The following RANBP17 variants were observed in gnomAD, a reference collection of about 807,000 sequenced individuals.
The protein encoded by RANBP17 is ran-binding protein 17.
In RANBP17, 158 loss-of-function variants were observed where a neutral mutation model predicts 141.2. The ratio of observed to expected loss-of-function variants is 1.12; its 90% CI spans 0.98 to 1.28. The LOEUF (loss-of-function observed/expected upper bound fraction) is 1.28. RANBP17 is among the 50% of genes most tolerant of loss of function. The pLI is 0.00. For missense variants in RANBP17, 1,438 were observed against 1,290.7 expected (o/e 1.11, Z -1.75); for synonymous variants, 430 against 450.0 (o/e 0.96, Z 0.56).
chr5:170,868,780 G>C (rs1326557987), intron 1 of RANBP17, among the ~76,000 whole-genome samples: 2 of 152,132 alleles, frequency 1.3e-5, no homozygotes, highest in Non-Finnish European at 2.9e-5. Context: ...AGATATCAAT[G>C]CATAAAACTA....
At chr5:171,245,877 CTTTT>C (rs778868859) in intron 24 of RANBP17, among the ~76,000 whole-genome samples, 4 of 134,290 alleles carry the variant, frequency 3.0e-5, no homozygotes, top group African/African-American at 5.5e-5. Context: ...TCTTCTCATA[CTTTT>C]TTTTTTTTTT....
intron 21 of RANBP17, 136 bp from the exon 22 acceptor site, chr5:171,221,622 G>C: frequency 1.5e-6 from 1 of 646,334 alleles, no homozygotes; most frequent in East Asian, 2.7e-5. Context: ...ATCAACAGTT[G>C]TTTATAAAAT....
intron 14 of RANBP17, among the ~76,000 whole-genome samples, chr5:171,001,583 A>T (rs1779204205): frequency 6.6e-6 from 1 of 152,120 alleles, no homozygotes; most frequent in African/African-American, 2.4e-5. Flanking sequence ...CGAGGACAGG[A>T]TCTAATTCTG....
At chr5:170,943,732 A>T (rs1774527619) in intron 12 of RANBP17, among the ~76,000 whole-genome samples, 1 of 152,078 alleles carries the variant, frequency 6.6e-6, no homozygotes, top group Non-Finnish European at 1.5e-5. Flanking sequence ...AAATTTTGTG[A>T]ATGTAATTAT....
chr5:171,268,429 G>A lies in RANBP17; in HGVS notation c.2943+2582G>A, dbSNP rs17747968. Among the ~76,000 whole-genome samples the A allele has an allele frequency of 1.9e-4, 29 of 152,074 alleles. No individual in the cohort carries two copies. The East Asian group carries it at 3.5e-3, about 18-fold the overall frequency. The stretch of plus-strand genomic sequence containing the variant: ...AGCAAGGTCTGTTTGACTGAAAAGC[G>A]CAAGTTCTTACTACTCACACCATTG... On this transcript the variant is annotated intron_variant, in intron 25 of 27. Coordinates refer to ENST00000523189, the MANE Select transcript of RANBP17 (RefSeq NM_022897.5).
chr5:171,152,501 T>G (rs935140088), intron 14 of RANBP17, among the ~76,000 whole-genome samples: 1 of 152,006 alleles, frequency 6.6e-6, no homozygotes, highest in Non-Finnish European at 1.5e-5. Context: ...CAGACAAATC[T>G]TAAACGTCAC....
chr5:170,877,211 A>G (rs1420678578), intron 1 of RANBP17, among the ~76,000 whole-genome samples: 1 of 152,122 alleles, frequency 6.6e-6, no homozygotes, highest in Non-Finnish European at 1.5e-5. Context: ...GTTCCTGAAA[A>G]TCCTGCAGCA....
chr5:171,011,933 A>G (rs1040138319), intron 14 of RANBP17, among the ~76,000 whole-genome samples: 4 of 151,904 alleles, frequency 2.6e-5, no homozygotes, highest in Admixed American at 2.0e-4. Flanking sequence ...TCATGATTTT[A>G]ACATTTTTGA....
At chr5:171,185,817 A>G (rs1445135757) in intron 18 of RANBP17, among the ~76,000 whole-genome samples, 1 of 152,190 alleles carries the variant, frequency 6.6e-6, no homozygotes, top group South Asian at 2.1e-4. Flanking sequence ...CTGAATAACA[A>G]ATGTTCTTAG....
chr5:171,138,473 T>C (rs1757465204), intron 14 of RANBP17, among the ~76,000 whole-genome samples: 1 of 151,822 alleles, frequency 6.6e-6, no homozygotes, highest in South Asian at 2.1e-4. Flanking sequence ...TATGGAGATT[T>C]TATACCCTCT....
In RANBP17 at chr5:171,114,458, T is replaced by C. The variant is rs141802994; in HGVS notation, c.1711-55672T>C. Among the ~76,000 whole-genome samples the C allele has an allele frequency of 6.9e-3, 1,050 of 151,942 alleles. 10 individuals carry two copies. Among genetic ancestry groups the C allele is most frequent in the Non-Finnish European group, 0.01 (685 of 67,970 alleles). On this transcript the variant is annotated intron_variant, in intron 14 of 27. Coordinates refer to ENST00000523189, the MANE Select transcript of RANBP17 (RefSeq NM_022897.5). ...ATGATTCTGGTGTACTTGAGTCACT[T>C]TTAAAGTTAATTTTTATGAAATACA...
rs1247066904 is a variant in RANBP17 at position 170,976,981 on chromosome 5, A to C, written c.1710+8604A>C. On this transcript the variant is annotated intron_variant, in intron 14 of 27. Transcript: ENST00000523189. ...ACATCAAAAGCTCAAGCAGCTAAAG[A>C]AAAAGATACATTGGACTTCATCATT... 7.2e-5 allele frequency among the ~76,000 whole-genome samples: 11 copies of C among 152,126 alleles called. No individual in the cohort carries two copies. In the East Asian group the frequency reaches 1.9e-3, roughly 27 times the overall value.
intron 14 of RANBP17, among the ~76,000 whole-genome samples, chr5:171,088,362 G>A (rs984306639): frequency 3.3e-5 from 5 of 152,258 alleles, no homozygotes; most frequent in South Asian, 2.1e-4. Flanking sequence ...CCCTTTGTAA[G>A]TAACATGACC....
chr5:170,990,664 A>G (rs1325025115), intron 14 of RANBP17, among the ~76,000 whole-genome samples: 1 of 152,018 alleles, frequency 6.6e-6, no homozygotes, highest in African/African-American at 2.4e-5. Context: ...GGCAGTTTTG[A>G]AATTGTGCTG....
At chr5:171,255,860 T>C (rs1765851289) in intron 24 of RANBP17, among the ~76,000 whole-genome samples, 1 of 152,158 alleles carries the variant, frequency 6.6e-6, no homozygotes, top group South Asian at 2.1e-4. Flanking sequence ...ATTTTGTATA[T>C]TGGAATAAAA....
chr5:170,892,491 G>C lies in RANBP17; in HGVS notation c.361G>C (p.Glu121Gln), dbSNP rs377186217. ...TAAAATCACTAAGTTGGGGTGGTTT[G>C]AGGTTCAGAAAGACCAATTTGTCTT... Reference protein sequence around the residue: ...IAKITKLGWFEVQKDQFVFRE... With the variant: ...IAKITKLGWFQVQKDQFVFRE... The change falls in exon 4 of 28, where the codon GAG becomes CAG. Residue 121 changes from glutamate (E) to glutamine (Q), a missense_variant. Coordinates refer to ENST00000523189, the MANE Select transcript of RANBP17 (RefSeq NM_022897.5). The C allele has an allele frequency of 5.0e-6, 8 of 1,613,874 alleles. No individual in the cohort carries two copies. The highest frequency in any genetic ancestry group is 6.8e-6 in the Non-Finnish European group (8 of 1,179,964).
intron 14 of RANBP17, among the ~76,000 whole-genome samples, chr5:170,985,050 GAC>G (rs10540039): frequency 0.63 from 92,080 of 146,088 alleles, 29,372 homozygotes; most frequent in South Asian, 0.88. Context: ...GGCACACACA[GAC>G]ACACACAGAC....
At chr5:171,228,991 C>G (rs1013795129) in intron 22 of RANBP17, among the ~76,000 whole-genome samples, 1 of 151,884 alleles carries the variant, frequency 6.6e-6, no homozygotes, top group Non-Finnish European at 1.5e-5. Flanking sequence ...TGGTCTGGAA[C>G]TGAACTCACA....
intron 14 of RANBP17, among the ~76,000 whole-genome samples, chr5:171,063,976 A>T (rs190074185): frequency 6.6e-6 from 1 of 152,170 alleles, no homozygotes; most frequent in African/African-American, 2.4e-5. Flanking sequence ...CAGGTGCGGG[A>T]TATAATCTCC....
Sources: gnomAD v4.1 joint callset for allele counts (sites outside exome capture counted in the v4.1 genomes callset) on GRCh38, gnomAD v4.1.1 for gene constraint, MANE v1.5 for transcripts, NCBI Gene and HGNC (gene_info 2026-07-23, HGNC 2026-07-21) for gene names.